CFAP20DC: variants seen among roughly 807,000 people sequenced by gnomAD.
The protein encoded by CFAP20DC is CFAP20 domain containing.
A neutral mutation model predicts 101.7 loss-of-function variants in CFAP20DC; 84 were observed. The observed-to-expected ratio is 0.83, with a 90% CI of 0.69 to 0.99. CFAP20DC has a LOEUF of 0.99. Ranked by LOEUF, CFAP20DC falls within the 50% of genes least tolerant of loss-of-function variation. CFAP20DC has a pLI of 0.00. For missense variants in CFAP20DC, 1,007 were observed against 970.3 expected, an observed-to-expected ratio of 1.04 and a Z score of -0.50; for synonymous variants, 359 against 351.2, an observed-to-expected ratio of 1.02 and a Z score of -0.25.
intron 6 of CFAP20DC, among the ~76,000 whole-genome samples, chr3:58,891,244 G>A (rs1303578320): frequency 1.5e-4 from 23 of 151,724 alleles, no homozygotes; most frequent in Admixed American, 3.3e-4. Context: ...CCAACACAGC[G>A]AAACCCCGTC....
chr3:58,871,340 A>C (rs2080193934), intron 7 of CFAP20DC, among the ~76,000 whole-genome samples: 1 of 152,104 alleles, frequency 6.6e-6, no homozygotes. Context: ...TGAAGAGCCT[A>C]TTCTAAATTT....
At chr3:58,816,298 C>A (rs1575737263) in intron 14 of CFAP20DC, among the ~76,000 whole-genome samples, 1 of 152,070 alleles carries the variant, frequency 6.6e-6, no homozygotes, top group Non-Finnish European at 1.5e-5. Context: ...CCAAGATGGC[C>A]GAATAGGAAC....
At position 59,015,745 on chromosome 3, in the gene CFAP20DC, A is replaced by T. The variant is rs2093675362; in HGVS notation, c.278+23812T>A. On this transcript the variant is annotated intron_variant, in intron 4 of 16. Coordinates refer to ENST00000482387, the MANE Select transcript of CFAP20DC (RefSeq NM_001394063.1). This position sits in a 1 kb window ranked among gnomAD's most constrained non-coding sequence, Gnocchi z 5.4. Reference sequence around the variant, plus strand: ...AGACATCCAGACTTCTTTCCATAAGATGGCAAATTTCTAAAAAATGCCAGA... The same window carrying T: ...AGACATCCAGACTTCTTTCCATAAGTTGGCAAATTTCTAAAAAATGCCAGA... Among the ~76,000 whole-genome samples, 1 of 152,122 alleles carries T rather than the reference A, an allele frequency of 6.6e-6. No individual in the cohort carries two copies. The highest frequency in any genetic ancestry group is 2.1e-4 in the South Asian group (1 of 4,834).
intron 5 of CFAP20DC, among the ~76,000 whole-genome samples, chr3:58,931,940 T>C (rs528012836): frequency 1.3e-5 from 2 of 152,202 alleles, no homozygotes; most frequent in Admixed American, 6.5e-5. Flanking sequence ...CTTTGACGAG[T>C]TGAGGAAGAA....
intron 15 of CFAP20DC, among the ~76,000 whole-genome samples, chr3:58,806,109 T>C (rs2074033717): frequency 6.6e-6 from 1 of 152,220 alleles, no homozygotes; most frequent in African/African-American, 2.4e-5. Flanking sequence ...ATTTTTCATT[T>C]GAATCTTTCC....
intron 5 of CFAP20DC, among the ~76,000 whole-genome samples, chr3:58,936,838 G>C (rs1346670692): frequency 6.6e-6 from 1 of 151,940 alleles, no homozygotes; most frequent in East Asian, 1.9e-4. Flanking sequence ...ACGAGTTACT[G>C]GGTGCAGCAC....
rs151300910 is a variant in CFAP20DC at position 58,803,119 on chromosome 3, G to A, written c.2237+3276C>T. ...GTAATTTAAAAACCTTAGGATCTTCGGTCTCTGGAATAGTTGCAGATGTCT... is the reference window on the plus strand; with the variant it reads ...GTAATTTAAAAACCTTAGGATCTTCAGTCTCTGGAATAGTTGCAGATGTCT... On this transcript the variant is annotated intron_variant, in intron 15 of 16. Transcript: ENST00000482387. Among the ~76,000 whole-genome samples, 349 of 152,148 alleles carry A rather than the reference G, an allele frequency of 2.3e-3. 1 individual carries two copies. The highest frequency in any genetic ancestry group is 7.9e-3 in the African/African-American group (329 of 41,496).
At chr3:58,737,152 A>G (rs1276869498), downstream of CFAP20DC, 1 of 456,674 alleles carries the variant, frequency 2.2e-6, no homozygotes, top group South Asian at 1.5e-5. This position sits in a 1 kb window ranked among gnomAD's most constrained non-coding sequence, Gnocchi z 4.1. Flanking sequence ...AGGCTTCAGC[A>G]TACCTTGTTT....
At chr3:59,022,341 G>A (rs2093817667) in intron 4 of CFAP20DC, among the ~76,000 whole-genome samples, 1 of 151,758 alleles carries the variant, frequency 6.6e-6, no homozygotes, top group African/African-American at 2.4e-5. Flanking sequence ...TGGGCTTCAG[G>A]ATTTTTCCTA....
At chr3:58,902,668 C>T (rs2083249628) in intron 6 of CFAP20DC, among the ~76,000 whole-genome samples, 1 of 152,016 alleles carries the variant, frequency 6.6e-6, no homozygotes, top group African/African-American at 2.4e-5. Flanking sequence ...TACAGTCATC[C>T]CTTGGTATCC....
intron 13 of CFAP20DC, among the ~76,000 whole-genome samples, chr3:58,832,942 T>C (rs192994765): frequency 2.0e-5 from 3 of 152,360 alleles, no homozygotes; most frequent in Admixed American, 6.5e-5. Flanking sequence ...GAAAATTTTC[T>C]TGTACATCTG....
chr3:58,996,864 C>A (rs191151236), intron 4 of CFAP20DC, among the ~76,000 whole-genome samples: 40 of 152,298 alleles, frequency 2.6e-4, no homozygotes, highest in Middle Eastern at 3.4e-3. Context: ...AGGGGTTCTC[C>A]AACAGGCATG....
At chr3:58,976,662 A>G (rs2092291566) in intron 4 of CFAP20DC, among the ~76,000 whole-genome samples, 1 of 152,112 alleles carries the variant, frequency 6.6e-6, no homozygotes. Context: ...GATGGGGAAA[A>G]AAACAGATTC....
At chr3:58,900,283 A>C (rs1199438581) in intron 6 of CFAP20DC, among the ~76,000 whole-genome samples, 1 of 152,194 alleles carries the variant, frequency 6.6e-6, no homozygotes, top group Non-Finnish European at 1.5e-5. Context: ...TTCAAAGGGG[A>C]TGCAAAGTAA....
At chr3:58,794,288 AT>A (rs1425086048) in intron 15 of CFAP20DC, 1 of 450,504 alleles carries the variant, frequency 2.2e-6, no homozygotes. Flanking sequence ...TGAGCACCAA[AT>A]TGCATCTGAT....
At chr3:59,047,124 T>C in intron 2 of CFAP20DC, 41 bp downstream of exon 2, 1 of 1,296,840 alleles carries the variant, frequency 7.7e-7, no homozygotes. Flanking sequence ...TCACTCACAT[T>C]TCTTCCCCTG....
At chr3:58,954,494 T>C (rs763862902) in intron 4 of CFAP20DC, among the ~76,000 whole-genome samples, 1 of 152,198 alleles carries the variant, frequency 6.6e-6, no homozygotes, top group South Asian at 2.1e-4. Context: ...CAAATAGCTC[T>C]AGGTACAGTT....
intron 6 of CFAP20DC, among the ~76,000 whole-genome samples, chr3:58,898,615 C>T (rs1162431694): frequency 1.3e-5 from 2 of 152,114 alleles, no homozygotes; most frequent in South Asian, 2.1e-4. Flanking sequence ...AGCTTCTTTG[C>T]TTTGGGTTAC....
At chr3:58,792,884 T>C (rs1346384696) in intron 15 of CFAP20DC, among the ~76,000 whole-genome samples, 2 of 152,048 alleles carry the variant, frequency 1.3e-5, no homozygotes, top group African/African-American at 4.8e-5. Flanking sequence ...ACATGTGGTG[T>C]TGGTATGCTA....
Sources: gnomAD v4.1 joint callset for allele counts (sites outside exome capture counted in the v4.1 genomes callset) on GRCh38, gnomAD v4.1.1 for gene constraint, Gnocchi (gnomAD v3.1) non-coding constraint, MANE v1.5 for transcripts, NCBI Gene and HGNC (gene_info 2026-07-23, HGNC 2026-07-21) for gene names.